CSMD3: variants seen among roughly 807,000 people sequenced by gnomAD.
CSMD3 encodes CUB and Sushi multiple domains 3, also known as CUB and sushi domain-containing protein 3.
Under a neutral mutation model 435.2 loss-of-function variants are expected in CSMD3, and 177 were observed. That is an observed-to-expected ratio of 0.41 (90% CI 0.36 to 0.46). CSMD3 has a LOEUF of 0.46. Among genes scored for constraint, CSMD3 ranks in the 20% least tolerant of loss-of-function variants. The pLI is 0.34. For synonymous variants in CSMD3, 1,656 were observed against 1,520.5 expected, an observed-to-expected ratio of 1.09 and a Z score of -2.07; for missense variants, 4,265 against 4,504.6, an observed-to-expected ratio of 0.95 and a Z score of 1.52.
chr8:112,803,382 G>C (rs1184064321), intron 12 of CSMD3, among the ~76,000 whole-genome samples: 5 of 152,114 alleles, frequency 3.3e-5, no homozygotes, highest in Admixed American at 2.6e-4. Flanking sequence ...TGAATTATCT[G>C]CCTTGTTTGA....
At position 112,587,233 on chromosome 8, in the gene CSMD3, C is replaced by T. The variant is rs1212481092; in HGVS notation, c.3718G>A (p.Glu1240Lys). 6.2e-7 allele frequency: 1 copy of T among 1,606,508 alleles called. No individual in the cohort carries two copies. Among genetic ancestry groups the T allele is most frequent in the South Asian group, 1.1e-5 (1 of 90,922 alleles). Residue 1240 changes from glutamate to lysine, a missense_variant and splice_region_variant, in exon 23 of 71, where the codon GAA (glutamate) becomes AAA (lysine). Coordinates refer to ENST00000297405, the MANE Select transcript of CSMD3 (RefSeq NM_198123.2). ...TTATTCGTTGCAGATGCACCACATT[C>T]AGCTGCAGGTAAAACAGAATATTGA... ...WSAPLPRCVA[E>K]CGASATNNEG...
chr8:112,524,890 C>A (rs1296126942), intron 27 of CSMD3, among the ~76,000 whole-genome samples: 1 of 151,914 alleles, frequency 6.6e-6, no homozygotes, highest in Admixed American at 6.6e-5. Context: ...CATGTTCATT[C>A]TTTAATTGGT....
In CSMD3 at chr8:112,895,531, T is replaced by C. The variant is rs2081925689; in HGVS notation, c.1633+26096A>G. Reference sequence around the variant, plus strand: ...CTGAAAAATAATTTTAAAATACACATAAAGGAAAGAAAATGAATAGGTGGA... The same window carrying C: ...CTGAAAAATAATTTTAAAATACACACAAAGGAAAGAAAATGAATAGGTGGA... On this transcript the variant is annotated intron_variant, in intron 10 of 70. Transcript: ENST00000297405. Among the ~76,000 whole-genome samples the C allele has an allele frequency of 1.3e-5, 2 of 151,082 alleles. 1 individual carries two copies. Among genetic ancestry groups the C allele is most frequent in the Non-Finnish European group, 3.0e-5 (2 of 67,562 alleles).
At chr8:113,029,688 T>A (rs1213514248) in intron 5 of CSMD3, among the ~76,000 whole-genome samples, 2 of 151,566 alleles carry the variant, frequency 1.3e-5, no homozygotes, top group Admixed American at 1.3e-4. Flanking sequence ...GGGGAAAAGT[T>A]GAAAGCATTC....
intron 58 of CSMD3, among the ~76,000 whole-genome samples, chr8:112,284,328 T>G (rs1281891301): frequency 6.6e-6 from 1 of 151,896 alleles, no homozygotes; most frequent in African/African-American, 2.4e-5. Context: ...CTTTCATGTT[T>G]TATTATAAAT....
intron 3 of CSMD3, among the ~76,000 whole-genome samples, chr8:113,227,468 A>T (rs146426316): frequency 2.8e-4 from 42 of 151,786 alleles, no homozygotes; most frequent in African/African-American, 9.6e-4. Context: ...TATAAGGATC[A>T]GGCATGAATA....
chr8:112,337,812 T>C (rs1824723704), intron 42 of CSMD3, 81 bp from the exon 43 acceptor site: 1 of 995,088 alleles, frequency 1.0e-6, no homozygotes, highest in South Asian at 1.6e-5. Flanking sequence ...ATTTTGCAAC[T>C]TAAAAATAGA....
chr8:112,319,397 T>C (rs1379891436), intron 46 of CSMD3, among the ~76,000 whole-genome samples: 1 of 152,164 alleles, frequency 6.6e-6, no homozygotes, highest in African/African-American at 2.4e-5. Flanking sequence ...TGTCTTCGTA[T>C]ATAATTTTTT....
chr8:113,089,497 T>C (rs1417964433), intron 5 of CSMD3, among the ~76,000 whole-genome samples: 5 of 152,172 alleles, frequency 3.3e-5, no homozygotes, highest in African/African-American at 9.6e-5. Context: ...ATCTTCTATA[T>C]AGCAGAATAA....
rs544742818 is a variant in CSMD3, at chr8:112,552,717, T to A, written c.4238A>T (p.Glu1413Val). Residue 1413 changes from glutamate (E) to valine (V), a missense_variant, in exon 26 of 71, where the codon GAA becomes GTA. This residue lies in a region of CSMD3 where 3,255 missense variants were observed against 3,380.2 expected (regional missense o/e 0.96). Transcript: ENST00000297405. Reference sequence around the variant, plus strand: ...TTCTCCTTTAAAACGACCTCCACATTCAGCTGATAAAAAATAATAGAAATT... The same window carrying A: ...TTCTCCTTTAAAACGACCTCCACATACAGCTGATAAAAAATAATAGAAATT... ...WDYPLPSCIA[E>V]CGGRFKGESS... The A allele has an allele frequency of 6.2e-7, 1 of 1,611,006 alleles. No individual in the cohort carries two copies. The highest frequency in any genetic ancestry group is 1.1e-5 in the South Asian group (1 of 91,022).
At chr8:113,289,353 A>G (rs1045829660) in intron 2 of CSMD3, among the ~76,000 whole-genome samples, 10 of 151,800 alleles carry the variant, frequency 6.6e-5, no homozygotes, top group Admixed American at 5.9e-4. Context: ...TATTTCTTCA[A>G]GTACATGCTA....
At chr8:112,905,946 A>G (rs2082249711) in intron 10 of CSMD3, among the ~76,000 whole-genome samples, 1 of 151,458 alleles carries the variant, frequency 6.6e-6, no homozygotes, top group African/African-American at 2.4e-5. Flanking sequence ...TAATTAGATC[A>G]TATGGGTGAG....
chr8:113,167,902 G>C (rs1475686209), intron 4 of CSMD3, among the ~76,000 whole-genome samples: 1 of 152,176 alleles, frequency 6.6e-6, no homozygotes, highest in Admixed American at 6.5e-5. Flanking sequence ...AAATAATATT[G>C]CTCAGATACT....
At chr8:112,501,894 G>C (rs1372663646) in intron 30 of CSMD3, among the ~76,000 whole-genome samples, 1 of 152,068 alleles carries the variant, frequency 6.6e-6, no homozygotes, top group East Asian at 1.9e-4. Flanking sequence ...TTCTAATTTT[G>C]ATAAATCTCA....
intron 1 of CSMD3, among the ~76,000 whole-genome samples, chr8:113,361,508 A>G (rs998115449): frequency 2.0e-5 from 3 of 152,152 alleles, no homozygotes; most frequent in Admixed American, 2.0e-4. Flanking sequence ...GGTAAACATA[A>G]TAATAATTTG....
At chr8:112,673,830 A>G (rs2131739696) in intron 16 of CSMD3, among the ~76,000 whole-genome samples, 1 of 152,266 alleles carries the variant, frequency 6.6e-6, no homozygotes, top group South Asian at 2.1e-4. Context: ...AGTAGGAAGG[A>G]GCATAAGCCA....
intron 6 of CSMD3, among the ~76,000 whole-genome samples, chr8:113,015,718 C>A (rs1227379724): frequency 6.6e-6 from 1 of 151,608 alleles, no homozygotes; most frequent in Non-Finnish European, 1.5e-5. Flanking sequence ...TAATTAAAAT[C>A]TTCTATAGGT....
intron 1 of CSMD3, among the ~76,000 whole-genome samples, chr8:113,344,061 A>G (rs1230322162): frequency 2.6e-5 from 4 of 152,266 alleles, no homozygotes; most frequent in African/African-American, 9.6e-5. Flanking sequence ...GCTACATTCT[A>G]TATTAGTGTT....
chr8:112,383,673 A>T lies in CSMD3; in HGVS notation c.5935-10T>A. 6.7e-7 allele frequency: 1 copy of T among 1,495,204 alleles called. No homozygotes were observed. Among genetic ancestry groups the T allele is most frequent in the Non-Finnish European group, 9.3e-7 (1 of 1,071,778 alleles). The allele number at this position is 1,495,204 out of a possible 1,614,324, so 92.6% of individuals were successfully genotyped here. A position where few individuals can be genotyped will look rare whatever the true frequency, so the allele number is the denominator to read the frequency against. ...AGCTAACAACTTGCACCTGTGAAAT[A>T]ATAATTACAGGTAAGAATACACATT... On this transcript the variant is annotated splice_polypyrimidine_tract_variant and intron_variant, in intron 36 of 70. Coordinates refer to ENST00000297405, the MANE Select transcript of CSMD3 (RefSeq NM_198123.2).
Sources: allele counts gnomAD v4.1 joint callset (sites outside exome capture counted in the v4.1 genomes callset), GRCh38; gene constraint gnomAD v4.1.1; regional missense constraint gnomAD v4.1.1; transcripts MANE v1.5; gene names NCBI Gene and HGNC (gene_info 2026-07-23, HGNC 2026-07-21).